The following MPDZ variants were observed in gnomAD, a reference collection of about 807,000 sequenced individuals.
The protein encoded by MPDZ is multiple PDZ domain protein.
A neutral mutation model predicts 239.1 loss-of-function variants in MPDZ; 234 were observed. That is an observed-to-expected ratio of 0.98 (90% CI 0.88 to 1.09). The LOEUF (loss-of-function observed/expected upper bound fraction) is 1.09, where lower values mean the gene tolerates loss of function less well. MPDZ is among the 50% of genes least tolerant of loss of function. MPDZ has a pLI of 0.00. For synonymous variants in MPDZ, 1,048 were observed against 881.3 expected, an observed-to-expected ratio of 1.19 and a Z score of -3.35; for missense variants, 3,175 against 2,510.0, an observed-to-expected ratio of 1.26 and a Z score of -5.66.
At position 13,216,753 on chromosome 9, in the gene MPDZ, A is replaced by G. The variant is rs79810293; in HGVS notation, c.1290+21T>C. The G allele has an allele frequency of 2.1e-3, 3,161 of 1,513,968 alleles. 100 individuals carry two copies. In the East Asian group the frequency reaches 0.063, roughly 30 times the overall value. 93.8% of individuals were successfully genotyped at this position (1,513,968 alleles called of 1,614,324 possible). On this transcript the variant is annotated intron_variant, in intron 10 of 46. Coordinates refer to ENST00000319217, the MANE Select transcript of MPDZ (RefSeq NM_001378778.1). ...CTCAACCATGAAAATTAACAAAGCT[A>G]TTGTTAAATGTGTAACTTACTGCTA...
At chr9:13,114,912 T>C (rs1563823831) in intron 40 of MPDZ, among the ~76,000 whole-genome samples, 1 of 151,698 alleles carries the variant, frequency 6.6e-6, no homozygotes, top group Admixed American at 6.6e-5. Flanking sequence ...AATAAATAAA[T>C]AAATAAATAA....
At chr9:13,145,517 G>A (rs990504706) in intron 26 of MPDZ, among the ~76,000 whole-genome samples, 1 of 152,024 alleles carries the variant, frequency 6.6e-6, no homozygotes, top group African/African-American at 2.4e-5. Context: ...ACAATTACCA[G>A]TAAGAGACTT....
intron 1 of MPDZ, among the ~76,000 whole-genome samples, chr9:13,277,992 C>A (rs891514460): frequency 1.3e-5 from 2 of 152,182 alleles, no homozygotes; most frequent in Non-Finnish European, 2.9e-5. Context: ...TACCCAAATT[C>A]AACATGTAAA....
chr9:13,213,551 T>A (rs1055840069), intron 10 of MPDZ, among the ~76,000 whole-genome samples: 1 of 152,064 alleles, frequency 6.6e-6, no homozygotes, highest in African/African-American at 2.4e-5. Flanking sequence ...AAGATGGTGA[T>A]ATTTAGTAAA....
At position 13,136,799 on chromosome 9, in the gene MPDZ, T is replaced by C. The variant is rs202204714; in HGVS notation, c.4205A>G (p.Asn1402Ser). The change falls in exon 30 of 47, where the codon AAT (asparagine) becomes AGT (serine). Residue 1402 changes from asparagine (N) to serine (S), a missense_variant. By Grantham distance (46) the Asn-to-Ser change is conservative (BLOSUM62 1). Transcript: ENST00000319217. ...LQIADELLEI[N>S]GQILYGRSHQ... ...ACTTCTTCCATATAAAATCTGACCA[T>C]TGATCTGTGAGAAATAAATATCATT... 4.3e-4 allele frequency: 679 copies of C among 1,582,368 alleles called. No individual in the cohort carries two copies. Among genetic ancestry groups the C allele is most frequent in the Non-Finnish European group, 5.7e-4 (657 of 1,158,890 alleles).
chr9:13,265,045 A>C (rs1971501324), intron 1 of MPDZ, among the ~76,000 whole-genome samples: 1 of 152,184 alleles, frequency 6.6e-6, no homozygotes, highest in Non-Finnish European at 1.5e-5. Context: ...TGAACACAAC[A>C]ATGTGTCAAT....
chr9:13,115,595 G>T (rs1473105507), intron 39 of MPDZ, among the ~76,000 whole-genome samples: 3 of 151,300 alleles, frequency 2.0e-5, no homozygotes, highest in African/African-American at 7.3e-5. Flanking sequence ...GTACCAAAAA[G>T]AAATGGAGAA....
Position 13,236,500 on chromosome 9 carries a change from C to T in MPDZ, c.183+11135G>A, listed in dbSNP as rs531049089. 1.9e-4 allele frequency among the ~76,000 whole-genome samples: 28 copies of T among 150,652 alleles called. No individual in the cohort carries two copies. The South Asian group carries it at 4.0e-3, about 22-fold the overall frequency. The stretch of plus-strand genomic sequence containing the variant: ...TTCTCCATGTTGGTCAGGCTGGTCT[C>T]GAACTCCCGACCTCAGGTGACCCGC... On this transcript the variant is annotated intron_variant, in intron 3 of 46. Transcript: ENST00000319217.
intron 23 of MPDZ, among the ~76,000 whole-genome samples, chr9:13,161,053 A>G (rs550729123): frequency 5.1e-4 from 77 of 151,388 alleles, no homozygotes; most frequent in Middle Eastern, 3.4e-3. Flanking sequence ...CCAACAGATA[A>G]TGAGGGACAA....
chr9:13,187,744 G>A (rs1168284065), intron 17 of MPDZ, among the ~76,000 whole-genome samples: 2 of 13,126 alleles, frequency 1.5e-4, no homozygotes, highest in South Asian at 2.3e-3. Flanking sequence ...TTATATTTAT[G>A]TGTTTGCATT....
At chr9:13,241,562 C>G (rs1965411691) in intron 3 of MPDZ, among the ~76,000 whole-genome samples, 1 of 152,066 alleles carries the variant, frequency 6.6e-6, no homozygotes, top group South Asian at 2.1e-4. Flanking sequence ...AAATTAGAAA[C>G]TATAGGGAAA....
chr9:13,176,252 C>T lies in MPDZ; in HGVS notation c.2815G>A (p.Ala939Thr). Residue 939 changes from alanine (A) to threonine (T), a missense_variant, in exon 20 of 47, where the codon GCT becomes ACT. Ala to Thr is a moderately conservative substitution (Grantham distance 58, BLOSUM62 0). Transcript: ENST00000319217. ...FTINDYTPAN[A>T]IEQQYECENT... ...TCACATTCATATTGTTGTTCAATAG[C>T]ATTTGCAGGTGTGTAGTCATTTATA... The T allele has an allele frequency of 6.2e-7, 1 of 1,608,202 alleles. No homozygotes were observed. The highest frequency in any genetic ancestry group is 8.5e-7 in the Non-Finnish European group (1 of 1,176,804).
At chr9:13,161,041 C>A (rs1950428211) in intron 23 of MPDZ, among the ~76,000 whole-genome samples, 1 of 150,988 alleles carries the variant, frequency 6.6e-6, no homozygotes, top group African/African-American at 2.4e-5. Context: ...TGAAACCAAT[C>A]CCCAACAGAT....
At chr9:13,231,255 T>C (rs1962349226) in intron 3 of MPDZ, among the ~76,000 whole-genome samples, 1 of 152,054 alleles carries the variant, frequency 6.6e-6, no homozygotes, top group South Asian at 2.1e-4. Flanking sequence ...AATTCCTTGG[T>C]AACACATTTA....
chr9:13,190,006 G>T, intron 16 of MPDZ, 108 bp downstream of exon 16: 1 of 966,788 alleles, frequency 1.0e-6, no homozygotes, highest in Non-Finnish European at 1.5e-6. Flanking sequence ...TTGAAAGACT[G>T]ACTAGAAAAA....
intron 35 of MPDZ, 132 bp downstream of exon 35, chr9:13,125,084 C>G: frequency 5.3e-6 from 4 of 748,102 alleles, no homozygotes; most frequent in Non-Finnish European, 8.3e-6. Context: ...ATCCTGCCCT[C>G]ACCATAGGGC....
chr9:13,273,103 A>G (rs528815775), intron 1 of MPDZ, among the ~76,000 whole-genome samples: 9 of 152,232 alleles, frequency 5.9e-5, no homozygotes, highest in African/African-American at 1.7e-4. Context: ...GGCATCATCT[A>G]TGAGGCCCTC....
chr9:13,165,841 G>A (rs983177425), intron 22 of MPDZ, among the ~76,000 whole-genome samples: 21 of 152,220 alleles, frequency 1.4e-4, no homozygotes, highest in South Asian at 2.1e-4. Flanking sequence ...GTGAGGCTTC[G>A]CATCTGGTTT....
chr9:13,113,802 C>G, intron 41 of MPDZ, 129 bp downstream of exon 41: 5 of 701,208 alleles, frequency 7.1e-6, no homozygotes, highest in Middle Eastern at 6.5e-4. Context: ...TTTGCTAACA[C>G]GTGTTTTTGT....
Sources: gnomAD v4.1 joint callset for allele counts (sites outside exome capture counted in the v4.1 genomes callset) on GRCh38, gnomAD v4.1.1 for gene constraint, MANE v1.5 for transcripts, NCBI Gene and HGNC (gene_info 2026-07-23, HGNC 2026-07-21) for gene names.